BCAS4: variants seen among roughly 807,000 people sequenced by gnomAD.
BCAS4 encodes breast carcinoma-amplified sequence 4.
BCAS4 carries 9 observed loss-of-function variants against 15.7 expected under a neutral mutation model. The ratio of observed to expected loss-of-function variants is 0.57; its 90% CI spans 0.34 to 1.00. The LOEUF (loss-of-function observed/expected upper bound fraction) is 1.00. Ranked by LOEUF, BCAS4 falls within the 50% of genes least tolerant of loss-of-function variation. The pLI is 0.02. For synonymous variants in BCAS4, 101 were observed against 99.5 expected, an observed-to-expected ratio of 1.02 and a Z score of -0.09; for missense variants, 225 against 239.1, an observed-to-expected ratio of 0.94 and a Z score of 0.39.
At chr20:50,858,584 T>G (rs1016634363) in intron 4 of BCAS4, among the ~76,000 whole-genome samples, 1 of 152,068 alleles carries the variant, frequency 6.6e-6, no homozygotes, top group East Asian at 1.9e-4. Context: ...CCTGGGTGAC[T>G]GAGTGAGACT....
rs201867125 is a variant in BCAS4, at chr20:50,823,342, C to T, written c.162+5060C>T. ...GTGACAGAGTGAGACTCCGTCCCCCCGGCCCAAAAAAAAAAGAAGGCTTAT... is the reference window on the plus strand; with the variant it reads ...GTGACAGAGTGAGACTCCGTCCCCCTGGCCCAAAAAAAAAAGAAGGCTTAT... On this transcript the variant is annotated intron_variant, in intron 2 of 4. Transcript: ENST00000371608. 4.8e-4 allele frequency among the ~76,000 whole-genome samples: 73 copies of T among 151,272 alleles called. 1 individual carries two copies. In the East Asian group the frequency reaches 9.5e-3, roughly 20 times the overall value.
intron 4 of BCAS4, among the ~76,000 whole-genome samples, chr20:50,854,468 T>C (rs891599613): frequency 2.2e-4 from 34 of 152,286 alleles, no homozygotes; most frequent in African/African-American, 7.5e-4. Context: ...ACCTCATTAC[T>C]CACCTGCTCA....
intron 1 of BCAS4, among the ~76,000 whole-genome samples, chr20:50,799,945 G>T (rs1164375409): frequency 6.6e-6 from 1 of 152,162 alleles, no homozygotes; most frequent in Non-Finnish European, 1.5e-5. Context: ...TACTAGAGAG[G>T]CCGAGATGGG....
chr20:50,861,870 T>TA (rs1200332201), intron 4 of BCAS4, among the ~76,000 whole-genome samples: 2 of 139,774 alleles, frequency 1.4e-5, no homozygotes, highest in Non-Finnish European at 3.1e-5. Context: ...TTTTTTTTTT[T>TA]AGATACGGGT....
intron 4 of BCAS4, among the ~76,000 whole-genome samples, chr20:50,866,126 C>T (rs532882758): frequency 2.0e-5 from 3 of 152,198 alleles, no homozygotes; most frequent in Non-Finnish European, 4.4e-5. Flanking sequence ...TCTCTCCAAG[C>T]CCGCTTTCTC....
chr20:50,875,198 G>C (rs1409506052), intron 4 of BCAS4, among the ~76,000 whole-genome samples: 1 of 152,216 alleles, frequency 6.6e-6, no homozygotes, highest in Non-Finnish European at 1.5e-5. Context: ...AAAACTCCCA[G>C]GAGATTCCAG....
At chr20:50,861,939 C>T (rs1183202558) in intron 4 of BCAS4, among the ~76,000 whole-genome samples, 1 of 149,230 alleles carries the variant, frequency 6.7e-6, no homozygotes, top group East Asian at 2.0e-4. Flanking sequence ...CTGCAGCCTC[C>T]ACCTCCTAGA....
intron 4 of BCAS4, among the ~76,000 whole-genome samples, chr20:50,861,825 C>A: frequency 7.8e-6 from 1 of 127,596 alleles, no homozygotes; most frequent in East Asian, 2.2e-4. Flanking sequence ...TTCTTTCTTT[C>A]TTTTCTTTCT....
At position 50,851,165 on chromosome 20, in the gene BCAS4, G is replaced by T. The variant is rs1978398505; in HGVS notation, c.399+9265G>T. Among the ~76,000 whole-genome samples the T allele has an allele frequency of 6.6e-6, 1 of 152,188 alleles. No homozygotes were observed. Among genetic ancestry groups the T allele is most frequent in the Non-Finnish European group, 1.5e-5 (1 of 68,044 alleles). ...AGCTCAGCTTTATCTGGTGGTGGAGGCTGGGTAAGACACAAACAAGAAGGG... is the reference window on the plus strand; with the variant it reads ...AGCTCAGCTTTATCTGGTGGTGGAGTCTGGGTAAGACACAAACAAGAAGGG... On this transcript the variant is annotated intron_variant, in intron 4 of 4. Coordinates refer to ENST00000371608, the MANE Select transcript of BCAS4 (RefSeq NM_198799.4). This position sits in a 1 kb window ranked among gnomAD's most constrained non-coding sequence, Gnocchi z 4.3.
At chr20:50,835,015 G>A (rs914055878) in intron 3 of BCAS4, among the ~76,000 whole-genome samples, 4 of 152,190 alleles carry the variant, frequency 2.6e-5, no homozygotes, top group Non-Finnish European at 4.4e-5. Context: ...TGCTATGAAC[G>A]TTTGCGTACA....
chr20:50,846,071 C>T (rs563308675), intron 4 of BCAS4, among the ~76,000 whole-genome samples: 29 of 152,362 alleles, frequency 1.9e-4, no homozygotes, highest in South Asian at 1.2e-3. Context: ...ATTTGCTCCA[C>T]AGACGGAGCC....
chr20:50,870,294 C>T (rs1979570509), intron 4 of BCAS4, among the ~76,000 whole-genome samples: 1 of 152,156 alleles, frequency 6.6e-6, no homozygotes, highest in Admixed American at 6.5e-5. Context: ...CGGGTGGGCC[C>T]AGACTGGCGA....
At chr20:50,836,151 C>T (rs546953313) in intron 3 of BCAS4, among the ~76,000 whole-genome samples, 1 of 152,188 alleles carries the variant, frequency 6.6e-6, no homozygotes, top group East Asian at 1.9e-4. Context: ...CTCCTGACCT[C>T]GTGATCTGCC....
rs1397744848 is a variant in BCAS4 at position 50,877,058 on chromosome 20, G to A, written c.*450G>A. 6.4e-6 allele frequency: 1 copy of A among 155,400 alleles called. No individual in the cohort carries two copies. Among genetic ancestry groups the A allele is most frequent in the East Asian group, 1.9e-4 (1 of 5,256 alleles). The allele number at this position is 155,400 out of a possible 1,614,324, so 9.6% of individuals were successfully genotyped here. On this transcript the variant is annotated 3_prime_UTR_variant, in exon 5 of 5. Transcript: ENST00000371608. ...GCTCCATGGTCCTTCTCTCTGTGAT[G>A]GGTTTTTGCACGGGGTGTGCTCTGC...
chr20:50,841,788 A>T lies in BCAS4; in HGVS notation c.287A>T (p.His96Leu), dbSNP rs755994429. 1.9e-6 allele frequency: 3 copies of T among 1,613,910 alleles called. No homozygotes were observed. Among genetic ancestry groups the T allele is most frequent in the Non-Finnish European group, 2.5e-6 (3 of 1,179,998 alleles). Residue 96 changes from histidine to leucine, a missense_variant, in exon 4 of 5, where the codon CAC becomes CTC. Physicochemically the swap from His to Leu is moderately conservative, Grantham distance 99. Transcript: ENST00000371608. The stretch of plus-strand genomic sequence containing the variant: ...CAGGCCTTCGTCAAGATGGTTGGAC[A>T]CCACGTCGCCTTCCTGGAAGCAGAC... ...RLEAFVKMVG[H>L]HVAFLEADVL... is the part of the protein sequence containing the mutation.
At chr20:50,841,173 A>C (rs1025752952) in intron 3 of BCAS4, among the ~76,000 whole-genome samples, 4 of 152,024 alleles carry the variant, frequency 2.6e-5, no homozygotes, top group African/African-American at 7.2e-5. Context: ...CCTGGAGCTG[A>C]GTGGTCCCTG....
intron 1 of BCAS4, among the ~76,000 whole-genome samples, chr20:50,805,843 T>C (rs949803585): frequency 3.9e-5 from 6 of 151,984 alleles, no homozygotes; most frequent in African/African-American, 1.4e-4. Flanking sequence ...GGCGTGGTGG[T>C]GTGCTCTTGT....
intron 4 of BCAS4, among the ~76,000 whole-genome samples, chr20:50,866,314 G>A (rs544538155): frequency 4.3e-4 from 65 of 152,282 alleles, no homozygotes; most frequent in African/African-American, 1.3e-3. Context: ...TCAGCCTTAC[G>A]GAGCCTTGGC....
chr20:50,880,620 A>C (rs1019108379), downstream of BCAS4: 1 of 152,050 alleles, frequency 6.6e-6, no homozygotes, highest in Non-Finnish European at 1.5e-5. Context: ...GAGGCCTGCC[A>C]GTCTTTTTCT....
Sources: gnomAD v4.1 joint callset for allele counts (sites outside exome capture counted in the v4.1 genomes callset) on GRCh38, gnomAD v4.1.1 for gene constraint, Gnocchi (gnomAD v3.1) non-coding constraint, MANE v1.5 for transcripts, NCBI Gene and HGNC (gene_info 2026-07-23, HGNC 2026-07-21) for gene names.